The following NELL1 variants were observed in gnomAD, a reference collection of about 807,000 sequenced individuals.
NELL1 encodes neural EGFL like 1, also known as protein kinase C-binding protein NELL1.
Under a neutral mutation model 107.4 loss-of-function variants are expected in NELL1, and 76 were observed. The observed-to-expected ratio is 0.71, with a 90% CI of 0.59 to 0.86. NELL1 has a LOEUF of 0.86. NELL1 is among the 40% of genes least tolerant of loss of function. NELL1 has a pLI of 0.00. For missense variants in NELL1, 1,024 were observed against 1,005.5 expected (o/e 1.02, Z -0.25); for synonymous variants, 353 against 341.2 (o/e 1.03, Z -0.38).
chr11:21,246,354 T>C (rs1348604697), intron 14 of NELL1, among the ~76,000 whole-genome samples: 1 of 152,150 alleles, frequency 6.6e-6, no homozygotes, highest in African/African-American at 2.4e-5. Flanking sequence ...TGTGTGTAGA[T>C]ATCAGCATTA....
intron 15 of NELL1, among the ~76,000 whole-genome samples, chr11:21,515,533 A>G (rs1855537587): frequency 6.6e-6 from 1 of 152,174 alleles, no homozygotes; most frequent in Admixed American, 6.5e-5. Flanking sequence ...AGAAGACCCC[A>G]TCTGGACTTC....
At chr11:21,574,837 T>A in intron 19 of NELL1, 135 bp from the exon 20 acceptor site, 1 of 696,268 alleles carries the variant, frequency 1.4e-6, no homozygotes, top group South Asian at 1.9e-5. Flanking sequence ...TCCTAGCATT[T>A]TTTTCTAGTC....
At chr11:21,333,138 T>C (rs1182157783) in intron 14 of NELL1, among the ~76,000 whole-genome samples, 1 of 152,034 alleles carries the variant, frequency 6.6e-6, no homozygotes, top group Non-Finnish European at 1.5e-5. Flanking sequence ...TGCTTCCTTT[T>C]AAAAGGTAAA....
intron 14 of NELL1, among the ~76,000 whole-genome samples, chr11:21,232,229 C>T (rs2133887617): frequency 6.8e-6 from 1 of 147,062 alleles, no homozygotes; most frequent in East Asian, 2.0e-4. Flanking sequence ...ACTCGGGAGG[C>T]TGAGGCAGGC....
At chr11:20,883,487 C>T (rs1849447981) in intron 4 of NELL1, among the ~76,000 whole-genome samples, 1 of 152,200 alleles carries the variant, frequency 6.6e-6, no homozygotes. Flanking sequence ...GCTCGTCTAA[C>T]TGTGACAGAG....
intron 12 of NELL1, among the ~76,000 whole-genome samples, chr11:21,003,911 A>G (rs185980146): frequency 5.4e-4 from 83 of 152,310 alleles, no homozygotes; most frequent in Non-Finnish European, 1.5e-4. Context: ...TAAATATAAT[A>G]TACAGATGAA....
chr11:21,137,663 T>C (rs1176775123), intron 13 of NELL1, among the ~76,000 whole-genome samples: 1 of 152,172 alleles, frequency 6.6e-6, no homozygotes, highest in East Asian at 1.9e-4. Context: ...TGAAGAATAC[T>C]TGAAGGCTAG....
intron 4 of NELL1, among the ~76,000 whole-genome samples, chr11:20,852,215 G>T (rs182988801): frequency 1.3e-5 from 2 of 152,218 alleles, no homozygotes; most frequent in East Asian, 3.9e-4. Flanking sequence ...TCTGCAGCCC[G>T]ATTGTCACCT....
At chr11:21,264,169 C>CATATGTGCTTTT (rs1163333475) in intron 14 of NELL1, among the ~76,000 whole-genome samples, 1 of 150,316 alleles carries the variant, frequency 6.7e-6, no homozygotes, top group African/African-American at 2.5e-5. Flanking sequence ...CACCTAGAGA[C>CATATGTGCTTTT]ATATAAAAGC....
chr11:21,078,529 G>A (rs1590615535), intron 12 of NELL1, among the ~76,000 whole-genome samples: 3 of 152,096 alleles, frequency 2.0e-5, no homozygotes, highest in Admixed American at 2.0e-4. Flanking sequence ...GGCAGTCATG[G>A]TGCAACCGCA....
At chr11:21,097,792 A>G (rs1240779453) in intron 12 of NELL1, among the ~76,000 whole-genome samples, 1 of 152,196 alleles carries the variant, frequency 6.6e-6, no homozygotes, top group Non-Finnish European at 1.5e-5. Flanking sequence ...TTAAAACTGC[A>G]TGAGTTATCA....
In NELL1 at chr11:21,249,018, G is replaced by C. The variant is rs530638248; in HGVS notation, c.1549+19564G>C. Reference sequence around the variant, plus strand: ...TGAACCAGATCCTGATGATACTGTTGCTGGGGGGCCTCTATACCCAGCCCT... The same window carrying C: ...TGAACCAGATCCTGATGATACTGTTCCTGGGGGGCCTCTATACCCAGCCCT... On this transcript the variant is annotated intron_variant, in intron 14 of 19. Coordinates refer to ENST00000357134, the MANE Select transcript of NELL1 (RefSeq NM_006157.5). Among the ~76,000 whole-genome samples the C allele has an allele frequency of 1.2e-4, 18 of 152,254 alleles. No individual in the cohort carries two copies. In the East Asian group the frequency reaches 3.5e-3, roughly 29 times the overall value.
intron 14 of NELL1, among the ~76,000 whole-genome samples, chr11:21,270,541 G>C (rs1295861021): frequency 6.6e-6 from 1 of 152,020 alleles, no homozygotes; most frequent in Non-Finnish European, 1.5e-5. Context: ...AGTAAAAACT[G>C]ACCAAACTAG....
chr11:21,232,783 G>A (rs1858097810), intron 14 of NELL1, among the ~76,000 whole-genome samples: 1 of 152,098 alleles, frequency 6.6e-6, no homozygotes, highest in South Asian at 2.1e-4. Context: ...CTACTGAGAA[G>A]CTGGGGTTGC....
At chr11:20,986,074 A>T (rs1016028572) in intron 12 of NELL1, among the ~76,000 whole-genome samples, 38 of 152,084 alleles carry the variant, frequency 2.5e-4, no homozygotes, top group African/African-American at 9.2e-4. Flanking sequence ...TTTGGCTCAC[A>T]GGCACTTTGG....
intron 14 of NELL1, among the ~76,000 whole-genome samples, chr11:21,232,178 A>AT (rs1491381794): frequency 0.024 from 2,755 of 115,710 alleles, 107 homozygotes; most frequent in Middle Eastern, 0.043. Context: ...ATATATATAT[A>AT]AATTAGCTGG....
intron 2 of NELL1, among the ~76,000 whole-genome samples, chr11:20,774,079 C>G (rs1299861192): frequency 4.1e-5 from 3 of 73,980 alleles, no homozygotes; most frequent in Non-Finnish European, 7.8e-5. Flanking sequence ...CTTCCCTCCC[C>G]TCCTGTCCCC....
At chr11:21,430,357 T>C (rs1852934568) in intron 15 of NELL1, among the ~76,000 whole-genome samples, 1 of 152,190 alleles carries the variant, frequency 6.6e-6, no homozygotes, top group Admixed American at 6.5e-5. Flanking sequence ...ATAATATATG[T>C]ACAATTTGTA....
intron 12 of NELL1, among the ~76,000 whole-genome samples, chr11:21,030,766 G>A (rs916873733): frequency 6.6e-5 from 10 of 151,942 alleles, no homozygotes; most frequent in Admixed American, 6.6e-4. Context: ...TGTTCATTTA[G>A]AGAATAAAGA....
Sources: gnomAD v4.1 joint callset for allele counts (sites outside exome capture counted in the v4.1 genomes callset) on GRCh38, gnomAD v4.1.1 for gene constraint, MANE v1.5 for transcripts, NCBI Gene and HGNC (gene_info 2026-07-23, HGNC 2026-07-21) for gene names.